The following CSNK1E variants were observed in gnomAD, a reference collection of about 807,000 sequenced individuals.
CSNK1E encodes the protein casein kinase 1 epsilon.
In CSNK1E, 17 loss-of-function variants were observed where a neutral mutation model predicts 46.1. The observed-to-expected ratio is 0.37, with a 90% CI of 0.25 to 0.55. The LOEUF (loss-of-function observed/expected upper bound fraction) is 0.55. Ranked by LOEUF, CSNK1E falls within the 20% of genes least tolerant of loss-of-function variation. CSNK1E has a pLI of 0.82. For missense variants in CSNK1E, 386 were observed against 595.4 expected (o/e 0.65, Z 3.66); for synonymous variants, 241 against 242.6 (o/e 0.99, Z 0.06).
chr22:38,317,411 C>CCCGCCCGCCCG lies in CSNK1E; in HGVS notation c.-265_-264insCGGGCGGGCGG. On this transcript the variant is annotated 5_prime_UTR_variant, in exon 1 of 11. Transcript: ENST00000396832. ...CGGCCTCCTGCCCGCCCGCCCGCCC[C>CCCGCCCGCCCG]CGCCGCCGGCTCGCGCGCTCTCGCA... 1.5e-5 allele frequency: 2 copies of CCCGCCCGCCCG among 129,142 alleles called. No homozygotes were observed. Among genetic ancestry groups the CCCGCCCGCCCG allele is most frequent in the Admixed American group, 1.5e-4 (2 of 13,036 alleles). 8.0% of individuals were successfully genotyped at this position (129,142 alleles called of 1,614,324 possible). A position where few individuals can be genotyped will look rare whatever the true frequency, so the allele number is the denominator to read the frequency against.
rs2092653210 is a variant in CSNK1E, at chr22:38,298,503, A to G, written c.885+283T>C. The G allele has an allele frequency of 2.3e-6, 1 of 440,968 alleles. No homozygotes were observed. Among genetic ancestry groups the G allele is most frequent in the Admixed American group, 3.5e-5 (1 of 28,766 alleles). The allele number at this position is 440,968 out of a possible 1,614,324, so 27.3% of individuals were successfully genotyped here. A position where few individuals can be genotyped will look rare whatever the true frequency, so the allele number is the denominator to read the frequency against. ...GCAGGGGGCGCCGCCAGCACCACCC[A>G]TGCCCTGCTGCGGGCACCCAGGAGG... On this transcript the variant is annotated intron_variant, in intron 7 of 10. Coordinates refer to ENST00000396832, the MANE Select transcript of CSNK1E (RefSeq NM_152221.3). The surrounding 1 kb of genome is among the most constrained non-coding windows in gnomAD (Gnocchi z 4.2).
chr22:38,292,874 G>A (rs557531910), intron 10 of CSNK1E: 8 of 247,412 alleles, frequency 3.2e-5, no homozygotes, highest in Admixed American at 1.5e-4. Flanking sequence ...ATTAACTTGC[G>A]TAACAGCCCA....
intron 2 of CSNK1E, among the ~76,000 whole-genome samples, chr22:38,305,630 A>G (rs2092695388): frequency 6.6e-6 from 1 of 152,212 alleles, no homozygotes; most frequent in African/African-American, 2.4e-5. Flanking sequence ...TTTGAAACAC[A>G]CACTTCACAG....
At chr22:38,316,954 G>GC (rs1448254923) in intron 1 of CSNK1E, 4 of 151,932 alleles carry the variant, frequency 2.6e-5, no homozygotes, top group African/African-American at 9.7e-5. Context: ...AAAATAACAG[G>GC]CCCCCTCCTC....
At chr22:38,302,758 C>G (rs549465813) in intron 4 of CSNK1E, 103 bp downstream of exon 4, 3 of 1,367,628 alleles carry the variant, frequency 2.2e-6, no homozygotes, top group Non-Finnish European at 3.0e-6. Context: ...GACAAGGTCC[C>G]CTGGCCCAGG....
At position 38,300,887 on chromosome 22, in the gene CSNK1E, G is replaced by A. The variant is rs1468299969; in HGVS notation, c.402C>T (p.Phe134=). ...TGCCCTTCTTCCCCAGCCCCATGAG[G>A]AAGTTGTCGGGCTTGACGTCCCGGT... ...FIHRDVKPDN[F]LMGLGKKGNL... is the part of the protein sequence containing the mutation. Residue 134 remains phenylalanine, a synonymous_variant, in exon 5 of 11, where the codon TTC becomes TTT. Transcript: ENST00000396832. This position sits in a 1 kb window ranked among gnomAD's most constrained non-coding sequence, Gnocchi z 4.4. The A allele has an allele frequency of 6.2e-7, 1 of 1,614,224 alleles. No homozygotes were observed. Among genetic ancestry groups the A allele is most frequent in the Admixed American group, 1.7e-5 (1 of 60,026 alleles).
chr22:38,307,926 G>C (rs1227485490), intron 2 of CSNK1E, among the ~76,000 whole-genome samples: 1 of 152,188 alleles, frequency 6.6e-6, no homozygotes, highest in Non-Finnish European at 1.5e-5. Flanking sequence ...CTGGGCTCAA[G>C]TGATTCACCT....
chr22:38,314,140 C>G lies in CSNK1E; in HGVS notation c.18G>C (p.Gly6=). 6.2e-7 allele frequency: 1 copy of G among 1,614,066 alleles called. No homozygotes were observed. The highest frequency in any genetic ancestry group is 8.5e-7 in the Non-Finnish European group (1 of 1,179,958). The change falls in exon 2 of 11, where the codon GGG becomes GGC. Residue 6 remains glycine (G), a synonymous_variant. Transcript: ENST00000396832. ...TCTTCCGTCCCAGGCGGTACTTGTT[C>G]CCCACACGTAGCTCCATGGCTCACT... MELRV[G]NKYRLGRKIG... is the part of the protein sequence containing the mutation.
chr22:38,307,756 G>A (rs896270030), intron 2 of CSNK1E, among the ~76,000 whole-genome samples: 3 of 152,128 alleles, frequency 2.0e-5, no homozygotes, highest in African/African-American at 7.2e-5. Context: ...GACTGTAGTG[G>A]CACTAACACA....
chr22:38,309,992 T>A lies in CSNK1E; in HGVS notation c.76+4090A>T, dbSNP rs1163028327. On this transcript the variant is annotated intron_variant, in intron 2 of 10. Coordinates refer to ENST00000396832, the MANE Select transcript of CSNK1E (RefSeq NM_152221.3). This position sits in a 1 kb window ranked among gnomAD's most constrained non-coding sequence, Gnocchi z 4.8. Reference sequence around the variant, plus strand: ...CAGGCTTTTCTCTGAGCTCCCTTAATTCTTACAACCGCTAAGCTGAGGTTC... The same window carrying A: ...CAGGCTTTTCTCTGAGCTCCCTTAAATCTTACAACCGCTAAGCTGAGGTTC... 2.6e-5 allele frequency among the ~76,000 whole-genome samples: 4 copies of A among 152,208 alleles called. No homozygotes were observed. The highest frequency in any genetic ancestry group is 9.6e-5 in the African/African-American group (4 of 41,454).
intron 6 of CSNK1E, 35 bp downstream of exon 6, chr22:38,299,860 C>A: frequency 1.2e-6 from 2 of 1,603,374 alleles, no homozygotes; most frequent in African/African-American, 1.3e-5. Context: ...GCCTCAGGGG[C>A]CCCCAGGCAT....
chr22:38,296,906 C>G (rs1439004548), intron 7 of CSNK1E: 3 of 619,120 alleles, frequency 4.8e-6, no homozygotes, highest in Non-Finnish European at 2.8e-6. Context: ...TCCCAAGCAG[C>G]TGGGATTACA....
At chr22:38,315,657 C>CA (rs530007527) in intron 1 of CSNK1E, among the ~76,000 whole-genome samples, 3 of 150,452 alleles carry the variant, frequency 2.0e-5, no homozygotes, top group South Asian at 2.1e-4. Context: ...GCACGCAACC[C>CA]CCCCCCAACA....
rs182497619 is a variant in CSNK1E at position 38,296,933 on chromosome 22, C to A, written c.885+1853G>T. The A allele has an allele frequency of 9.3e-5, 57 of 611,748 alleles. No individual in the cohort carries two copies. The Middle Eastern group carries it at 1.3e-3, about 14-fold the overall frequency. The allele number at this position is 611,748 out of a possible 1,614,324, so 37.9% of individuals were successfully genotyped here. A position where few individuals can be genotyped will look rare whatever the true frequency, so the allele number is the denominator to read the frequency against. ...GGGATTACAGGAACACACCACCATG[C>A]CCAGCTAATTTTTGTGTTTTTAGTA... is the stretch of plus-strand genomic sequence containing the variant. On this transcript the variant is annotated intron_variant, in intron 7 of 10. Coordinates refer to ENST00000396832, the MANE Select transcript of CSNK1E (RefSeq NM_152221.3).
chr22:38,295,093 C>G (rs927887925), intron 7 of CSNK1E, among the ~76,000 whole-genome samples: 15 of 152,204 alleles, frequency 9.9e-5, no homozygotes, highest in South Asian at 4.1e-4. Flanking sequence ...TGTCCTTCCC[C>G]CTGCCGGGAC....
At position 38,300,114 on chromosome 22, in the gene CSNK1E, C is replaced by G. The variant is rs554586329; in HGVS notation, c.566-49G>C. 6.4e-5 allele frequency: 101 copies of G among 1,572,884 alleles called. 2 individuals are homozygous for G. In the South Asian group the frequency reaches 1.1e-3, roughly 17 times the overall value. ...GTGAGGGACAGGGGTCCACTCAGGC[C>G]CCTAACTCATCCTCTGGGTCATGCT... is the stretch of plus-strand genomic sequence containing the variant. On this transcript the variant is annotated intron_variant, in intron 5 of 10. Coordinates refer to ENST00000396832, the MANE Select transcript of CSNK1E (RefSeq NM_152221.3). The surrounding 1 kb of genome is among the most constrained non-coding windows in gnomAD (Gnocchi z 4.4).
intron 2 of CSNK1E, among the ~76,000 whole-genome samples, chr22:38,306,322 T>G (rs2145843603): frequency 6.6e-6 from 1 of 152,318 alleles, no homozygotes; most frequent in East Asian, 1.9e-4. Flanking sequence ...AGTTGCAATT[T>G]CTTTCAACAC....
chr22:38,315,559 C>T (rs978891230), intron 1 of CSNK1E, among the ~76,000 whole-genome samples: 1 of 152,098 alleles, frequency 6.6e-6, no homozygotes, highest in East Asian at 1.9e-4. Flanking sequence ...CGTACACACA[C>T]GTCCAGCTTC....
Position 38,300,240 on chromosome 22 carries a change from G to A in CSNK1E, c.566-175C>T, listed in dbSNP as rs1206432286. On this transcript the variant is annotated intron_variant, in intron 5 of 10. Transcript: ENST00000396832. The surrounding 1 kb of genome is among the most constrained non-coding windows in gnomAD (Gnocchi z 4.4). ...ATTATCCTCCTCCTACAGAGAAGAA[G>A]CCTGAGGCAGGGCCTTCTCAACTTA... 6.6e-6 allele frequency among the ~76,000 whole-genome samples: 1 copy of A among 152,246 alleles called. No individual in the cohort carries two copies. Among genetic ancestry groups the A allele is most frequent in the Non-Finnish European group, 1.5e-5 (1 of 68,044 alleles).
Sources: allele counts gnomAD v4.1 joint callset (sites outside exome capture counted in the v4.1 genomes callset), GRCh38; gene constraint gnomAD v4.1.1; non-coding constraint Gnocchi (gnomAD v3.1); transcripts MANE v1.5; gene names NCBI Gene and HGNC (gene_info 2026-07-23, HGNC 2026-07-21).